The following MAPKAPK2 variants were observed in gnomAD, a reference collection of about 807,000 sequenced individuals.
The protein encoded by MAPKAPK2 is MAP kinase-activated protein kinase 2.
Under a neutral mutation model 48.8 loss-of-function variants are expected in MAPKAPK2, and 9 were observed. That is an observed-to-expected ratio of 0.18 (90% CI 0.11 to 0.32). The LOEUF (loss-of-function observed/expected upper bound fraction) is 0.32, where lower values mean the gene tolerates loss of function less well. Ranked by LOEUF, MAPKAPK2 falls within the 10% of genes least tolerant of loss-of-function variation. The pLI is 1.00. For synonymous variants in MAPKAPK2, 202 were observed against 190.6 expected, an observed-to-expected ratio of 1.06 and a Z score of -0.49; for missense variants, 331 against 498.3, an observed-to-expected ratio of 0.66 and a Z score of 3.20.
intron 1 of MAPKAPK2, among the ~76,000 whole-genome samples, chr1:206,699,883 C>G (rs1489980875): frequency 6.6e-6 from 1 of 152,072 alleles, no homozygotes; most frequent in Non-Finnish European, 1.5e-5. Flanking sequence ...CTGAGCATGT[C>G]CTGTGACAAA....
chr1:206,689,440 T>C (rs530082074), intron 1 of MAPKAPK2, among the ~76,000 whole-genome samples: 41 of 152,316 alleles, frequency 2.7e-4, no homozygotes, highest in African/African-American at 9.9e-4. Flanking sequence ...AGACAGTTAG[T>C]GTGGCTAGGT....
rs1553432760 is a variant in MAPKAPK2 at position 206,731,890 on chromosome 1, G to C, written c.1030G>C (p.Glu344Gln). The change falls in exon 9 of 10, where the codon GAG becomes CAG. Residue 344 changes from glutamate to glutamine, a missense_variant. Glu to Gln is a conservative substitution (Grantham distance 29). Coordinates refer to ENST00000367103, the MANE Select transcript of MAPKAPK2 (RefSeq NM_032960.4). This position sits in a 1 kb window ranked among gnomAD's most constrained non-coding sequence, Gnocchi z 5.9. ...ACTGCACACCAGCCGGGTCCTGAAG[G>C]AGGACAAGGAGCGGTGGGAGGATGT... ...TPLHTSRVLK[E>Q]DKERWEDVKE... 6.2e-7 allele frequency: 1 copy of C among 1,614,182 alleles called. No homozygotes were observed. The highest frequency in any genetic ancestry group is 2.2e-5 in the East Asian group (1 of 44,884).
At chr1:206,717,020 C>A (rs782795564) in intron 1 of MAPKAPK2, among the ~76,000 whole-genome samples, 15 of 152,166 alleles carry the variant, frequency 9.9e-5, no homozygotes, top group Non-Finnish European at 2.2e-4. Flanking sequence ...TGGCCCCAGG[C>A]CTGATGCGAA....
At position 206,686,134 on chromosome 1, in the gene MAPKAPK2, GAGCTGGCCCCCTC is replaced by G. The variant is rs1159466916; in HGVS notation, c.279+640_279+652del. Among the ~76,000 whole-genome samples, 8 of 152,218 alleles carry G rather than the reference GAGCTGGCCCCCTC, an allele frequency of 5.3e-5. No homozygotes were observed. The South Asian group carries it at 1.2e-3, about 24-fold the overall frequency. Reference sequence around the variant, plus strand: ...CGGGGGCGGGATTATTTGGATCCCGGAGCTGGCCCCCTCAGCTGGCCCCCTCCCACGCCCGCGC... The same window carrying G: ...CGGGGGCGGGATTATTTGGATCCCGGAGCTGGCCCCCTCCCACGCCCGCGC... On this transcript the variant is annotated intron_variant, in intron 1 of 9. Transcript: ENST00000367103.
chr1:206,728,354 G>A (rs782710889), intron 1 of MAPKAPK2, among the ~76,000 whole-genome samples: 2 of 151,976 alleles, frequency 1.3e-5, no homozygotes, highest in African/African-American at 4.8e-5. Context: ...GTTTTTCTCA[G>A]TCTGCCTTTC....
chr1:206,729,246 G>A, intron 3 of MAPKAPK2, 147 bp downstream of exon 3: 1 of 1,099,244 alleles, frequency 9.1e-7, no homozygotes, highest in East Asian at 2.4e-5. Flanking sequence ...GCTGACCAGG[G>A]AAGCTCCTGG....
intron 1 of MAPKAPK2, chr1:206,695,786 C>A: frequency 5.5e-5 from 13 of 238,432 alleles, no homozygotes; most frequent in Non-Finnish European, 7.3e-5. Context: ...TTTTTTTTAA[C>A]AGGAAGGTAA....
Position 206,704,521 on chromosome 1 carries a change from C to G in MAPKAPK2, c.279+19013C>G, listed in dbSNP as rs1558577935. ...ACTTCCTTTATAGCCGGATACAAAA[C>G]AGTGCCTGAGGTCCAGGGTCGGGGA... On this transcript the variant is annotated intron_variant, in intron 1 of 9. Transcript: ENST00000367103. This position sits in a 1 kb window ranked among gnomAD's most constrained non-coding sequence, Gnocchi z 4.3. 6.6e-6 allele frequency among the ~76,000 whole-genome samples: 1 copy of G among 152,210 alleles called. No individual in the cohort carries two copies. The highest frequency in any genetic ancestry group is 2.4e-5 in the African/African-American group (1 of 41,444).
intron 1 of MAPKAPK2, among the ~76,000 whole-genome samples, chr1:206,700,171 T>C (rs780039350): frequency 2.8e-4 from 43 of 152,106 alleles, no homozygotes; most frequent in Non-Finnish European, 1.2e-4. Flanking sequence ...CACTTTCCAC[T>C]CTCCTTTCCT....
At chr1:206,700,471 C>T (rs1672764520) in intron 1 of MAPKAPK2, among the ~76,000 whole-genome samples, 1 of 152,168 alleles carries the variant, frequency 6.6e-6, no homozygotes, top group Non-Finnish European at 1.5e-5. Flanking sequence ...CAGATAACCA[C>T]CTTGTTGGTA....
chr1:206,730,148 C>T (rs1673854845), intron 5 of MAPKAPK2, 50 bp downstream of exon 5: 1 of 1,610,308 alleles, frequency 6.2e-7, no homozygotes, highest in Non-Finnish European at 8.5e-7. Flanking sequence ...GAACTTTTCT[C>T]AGCCCCTCCT....
At chr1:206,722,412 T>G (rs1178167682) in intron 1 of MAPKAPK2, among the ~76,000 whole-genome samples, 2 of 152,170 alleles carry the variant, frequency 1.3e-5, no homozygotes, top group African/African-American at 2.4e-5. Flanking sequence ...AAACTTTTGA[T>G]TCCCCTAGAA....
Position 206,732,684 on chromosome 1 carries a change from C to T in MAPKAPK2, c.1169C>T (p.Ala390Val). Residue 390 changes from alanine to valine, a missense_variant, in exon 10 of 10, where the codon GCT (alanine) becomes GTT (valine). Physicochemically the swap from Ala to Val is moderately conservative, Grantham distance 64. Coordinates refer to ENST00000367103, the MANE Select transcript of MAPKAPK2 (RefSeq NM_032960.4). The surrounding 1 kb of genome is among the most constrained non-coding windows in gnomAD (Gnocchi z 4.4). ...NPLLLKRRKK[A>V]RALEAAALAH ...CTGCTGCTGAAGAGGCGGAAGAAAG[C>T]TCGGGCCCTGGAGGCTGCGGCTCTG... is the stretch of plus-strand genomic sequence containing the variant. 1 of 1,614,234 alleles carries T rather than the reference C, an allele frequency of 6.2e-7. No individual in the cohort carries two copies. The highest frequency in any genetic ancestry group is 1.1e-5 in the South Asian group (1 of 91,084).
intron 1 of MAPKAPK2, among the ~76,000 whole-genome samples, chr1:206,724,036 C>T (rs782080335): frequency 1.3e-4 from 20 of 152,240 alleles, no homozygotes; most frequent in Non-Finnish European, 2.6e-4. Flanking sequence ...TTAGTTTGGG[C>T]TTAAAATATT....
chr1:206,728,657 T>G (rs976615815), intron 1 of MAPKAPK2, 53 bp from the exon 2 acceptor site: 1 of 1,581,604 alleles, frequency 6.3e-7, no homozygotes, highest in Non-Finnish European at 8.6e-7. Context: ...GCCAGGGGCT[T>G]AGAGCAGGCC....
chr1:206,724,329 GCCCTGTA>G (rs1673638653), intron 1 of MAPKAPK2, among the ~76,000 whole-genome samples: 1 of 152,130 alleles, frequency 6.6e-6, no homozygotes, highest in Non-Finnish European at 1.5e-5. Context: ...TCTTTACTTA[GCCCTGTA>G]CTCCAGATTA....
chr1:206,687,723 G>A (rs1553425778), intron 1 of MAPKAPK2, among the ~76,000 whole-genome samples: 1 of 152,234 alleles, frequency 6.6e-6, no homozygotes, highest in Non-Finnish European at 1.5e-5. Context: ...CAGGTGCTGA[G>A]TAGTGAAATG....
intron 4 of MAPKAPK2, among the ~76,000 whole-genome samples, 153 bp downstream of exon 4, chr1:206,729,628 C>T (rs1312982437): frequency 5.3e-5 from 8 of 152,216 alleles, no homozygotes; most frequent in African/African-American, 9.6e-5. Context: ...GCCCTCTCTG[C>T]CCATGGGCAA....
Position 206,731,003 on chromosome 1 carries a change from T to A in MAPKAPK2, c.768-135T>A. 1 of 1,273,256 alleles carries A rather than the reference T, an allele frequency of 7.9e-7. No homozygotes were observed. The highest frequency in any genetic ancestry group is 1.1e-6 in the Non-Finnish European group (1 of 888,280). 78.9% of individuals were successfully genotyped at this position (1,273,256 alleles called of 1,614,324 possible). The stretch of plus-strand genomic sequence containing the variant: ...GGGCCCCGGGCTTGACTTTGTATAT[T>A]GTGCCTGTGTCAATAAGCCCTGATT... On this transcript the variant is annotated intron_variant, in intron 6 of 9. Coordinates refer to ENST00000367103, the MANE Select transcript of MAPKAPK2 (RefSeq NM_032960.4). The surrounding 1 kb of genome is among the most constrained non-coding windows in gnomAD (Gnocchi z 5.9).
Sources: allele counts gnomAD v4.1 joint callset (sites outside exome capture counted in the v4.1 genomes callset), GRCh38; gene constraint gnomAD v4.1.1; non-coding constraint Gnocchi (gnomAD v3.1); transcripts MANE v1.5; gene names NCBI Gene and HGNC (gene_info 2026-07-23, HGNC 2026-07-21).